The following ZFHX2 variants were observed in gnomAD, a reference collection of about 807,000 sequenced individuals.
The protein encoded by ZFHX2 is zinc finger homeobox 2, also known as zinc finger homeobox protein 2.
ZFHX2 carries 75 observed loss-of-function variants against 164.8 expected under a neutral mutation model. The observed-to-expected ratio is 0.46, with a 90% CI of 0.38 to 0.55. The LOEUF (loss-of-function observed/expected upper bound fraction) is 0.55, where lower values mean the gene tolerates loss of function less well. Ranked by LOEUF, ZFHX2 falls within the 20% of genes least tolerant of loss-of-function variation. The pLI is 0.00. For synonymous variants in ZFHX2, 1,217 were observed against 1,351.4 expected (o/e 0.90, Z 2.18); for missense variants, 2,933 against 3,308.0 (o/e 0.89, Z 2.78).
At chr14:23,537,011 A>C (rs912721748) in intron 1 of ZFHX2, among the ~76,000 whole-genome samples, 1 of 152,060 alleles carries the variant, frequency 6.6e-6, no homozygotes, top group Non-Finnish European at 1.5e-5. Context: ...GTGGTGGTGC[A>C]TGCCTGTAAT....
upstream of ZFHX2, among the ~76,000 whole-genome samples, chr14:23,552,192 T>G (rs1882019603): frequency 6.6e-6 from 1 of 152,120 alleles, no homozygotes; most frequent in Admixed American, 6.5e-5. Context: ...TGAGAGCTTC[T>G]GCCTCCTCCA....
rs1372446045 is a variant in ZFHX2, at chr14:23,521,392, G to C, written c.*570C>G. 6.6e-6 allele frequency: 1 copy of C among 152,424 alleles called. No individual in the cohort carries two copies. Among genetic ancestry groups the C allele is most frequent in the African/African-American group, 2.4e-5 (1 of 41,468 alleles). 9.4% of individuals were successfully genotyped at this position (152,424 alleles called of 1,614,324 possible). The stretch of plus-strand genomic sequence containing the variant: ...CCAACTGAGCATTTGGAAAGAGTTT[G>C]TGAGCGGTGTGGTGCTCTAGACAAA... On this transcript the variant is annotated 3_prime_UTR_variant, in exon 10 of 10. Transcript: ENST00000419474.
At chr14:23,547,250 AC>A (rs1319173239) in intron 1 of ZFHX2, among the ~76,000 whole-genome samples, 26 of 152,390 alleles carry the variant, frequency 1.7e-4, no homozygotes, top group African/African-American at 6.0e-4. Context: ...CTTTTGGCCC[AC>A]ATGGCCAATG....
At position 23,524,989 on chromosome 14, in the gene ZFHX2, G is replaced by C. The variant is rs189084513; in HGVS notation, c.4953C>G (p.Arg1651=). The change falls in exon 9 of 10, where the codon CGC becomes CGG. Residue 1651 remains arginine, a synonymous_variant. Transcript: ENST00000419474. The surrounding 1 kb of genome is among the most constrained non-coding windows in gnomAD (Gnocchi z 5.6). ...TGGACCCACCCTCACAGGCATTTTT[G>C]CGTGCTTTCTGGCGGGCATTCTGGA... ...VWFQNARQKA[R]KNACEGGSMP... 3 of 1,536,048 alleles carry C rather than the reference G, an allele frequency of 2.0e-6. No homozygotes were observed. Among genetic ancestry groups the C allele is most frequent in the East Asian group, 4.9e-5 (2 of 40,898 alleles).
intron 3 of ZFHX2, 164 bp downstream of exon 3, chr14:23,532,403 T>A (rs1267602008): frequency 3.4e-5 from 27 of 804,160 alleles, no homozygotes; most frequent in South Asian, 1.3e-4. Flanking sequence ...TTTCTCCATG[T>A]CTGTCACTTT....
intron 3 of ZFHX2, 53 bp from the exon 4 acceptor site, chr14:23,531,774 C>T (rs1879586436): frequency 3.9e-6 from 5 of 1,272,564 alleles, no homozygotes; most frequent in Middle Eastern, 2.0e-4. Context: ...TGCCAGACCT[C>T]AGGGGACTTT....
Position 23,525,080 on chromosome 14 carries a change from T to C in ZFHX2, c.4862A>G (p.Lys1621Arg). Residue 1621 changes from lysine (K) to arginine (R), a missense_variant, in exon 9 of 10, where the codon AAA becomes AGA. Physicochemically the swap from Lys to Arg is conservative, Grantham distance 26. Transcript: ENST00000419474. This position sits in a 1 kb window ranked among gnomAD's most constrained non-coding sequence, Gnocchi z 5.9. ...TGCGAGTCGCTCCACCTCTCCGTCT[T>C]TGGGGTAGGCGCTAGTCTCAAAGAA... ...QSFFETSAYP[K>R]DGEVERLASL... The C allele has an allele frequency of 1.2e-5, 19 of 1,535,970 alleles. No homozygotes were observed. Among genetic ancestry groups the C allele is most frequent in the Non-Finnish European group, 1.7e-5 (19 of 1,146,874 alleles).
chr14:23,525,085 G>A lies in ZFHX2; in HGVS notation c.4857C>T (p.Tyr1619=), dbSNP rs1878534596. The change falls in exon 9 of 10, where the codon TAC becomes TAT. Residue 1619 remains tyrosine, a synonymous_variant. Coordinates refer to ENST00000419474, the MANE Select transcript of ZFHX2 (RefSeq NM_033400.3). The surrounding 1 kb of genome is among the most constrained non-coding windows in gnomAD (Gnocchi z 5.9). ...GTCGCTCCACCTCTCCGTCTTTGGG[G>A]TAGGCGCTAGTCTCAAAGAAAGACT... The part of the protein sequence containing the change: ...ALQSFFETSA[Y]PKDGEVERLA... 1 of 1,536,206 alleles carries A rather than the reference G, an allele frequency of 6.5e-7. No homozygotes were observed. The highest frequency in any genetic ancestry group is 8.7e-7 in the Non-Finnish European group (1 of 1,146,932).
rs551589078 is a variant in ZFHX2, at chr14:23,530,288, TGAA to T, written c.2801-97_2801-95del. ...GGAAGCAGGACAAGCAGCCAGTCAA[TGAA>T]GGAGAAAATGGATGGCTCAATCAGC... On this transcript the variant is annotated intron_variant, in intron 4 of 9. Coordinates refer to ENST00000419474, the MANE Select transcript of ZFHX2 (RefSeq NM_033400.3). The T allele has an allele frequency of 4.1e-5, 41 of 995,494 alleles. No individual in the cohort carries two copies. The Admixed American group carries it at 4.7e-4, about 11-fold the overall frequency. 61.7% of individuals were successfully genotyped at this position (995,494 alleles called of 1,614,324 possible).
At chr14:23,549,598 A>G (rs933540722) in intron 1 of ZFHX2, among the ~76,000 whole-genome samples, 1 of 152,202 alleles carries the variant, frequency 6.6e-6, no homozygotes, top group Non-Finnish European at 1.5e-5. Context: ...TAGGAAGAAG[A>G]TGAACTAAAA....
At chr14:23,554,038 CAAAAAA>C (rs61363455), upstream of ZFHX2, among the ~76,000 whole-genome samples, 2 of 36,040 alleles carry the variant, frequency 5.5e-5, no homozygotes, top group African/African-American at 1.6e-4. Flanking sequence ...GACTCTGTCT[CAAAAAA>C]AAAAAAAAAA....
In ZFHX2 at chr14:23,523,194, C is replaced by T; in HGVS notation, c.6739+9G>A. ...CTGAAGTCCAGCTCCTCCCAGCCTC[C>T]CTACTCACCTGAATTGAAAGGAGCT... On this transcript the variant is annotated intron_variant, in intron 9 of 9. Coordinates refer to ENST00000419474, the MANE Select transcript of ZFHX2 (RefSeq NM_033400.3). This position sits in a 1 kb window ranked among gnomAD's most constrained non-coding sequence, Gnocchi z 4.1. 7.1e-7 allele frequency: 1 copy of T among 1,415,090 alleles called. No homozygotes were observed. 87.7% of individuals were successfully genotyped at this position (1,415,090 alleles called of 1,614,324 possible). A position where few individuals can be genotyped will look rare whatever the true frequency, so the allele number is the denominator to read the frequency against.
chr14:23,533,885 T>A lies in ZFHX2; in HGVS notation c.1441A>T (p.Ser481Cys), dbSNP rs1476549839. Reference sequence around the variant, plus strand: ...CCAGCACTGCAGTAGCTGCAGTGACTGTTGCTCTCAGGGTGCTTCTCTCGC... The same window carrying A: ...CCAGCACTGCAGTAGCTGCAGTGACAGTTGCTCTCAGGGTGCTTCTCTCGC... ...HMREKHPESNSHCSYCSAGGA... is the reference protein window; with the variant it reads ...HMREKHPESNCHCSYCSAGGA... Residue 481 changes from serine to cysteine, a missense_variant, in exon 2 of 10, where the codon AGT becomes TGT. Ser to Cys is a moderately radical substitution (Grantham distance 112, BLOSUM62 -1). Transcript: ENST00000419474. This position sits in a 1 kb window ranked among gnomAD's most constrained non-coding sequence, Gnocchi z 4.8. The A allele has an allele frequency of 6.5e-7, 1 of 1,538,088 alleles. No homozygotes were observed. Among genetic ancestry groups the A allele is most frequent in the Non-Finnish European group, 8.7e-7 (1 of 1,147,282 alleles).
chr14:23,522,093 G>T lies in ZFHX2; in HGVS notation c.7588C>A (p.Pro2530Thr). Residue 2530 changes from proline to threonine, a missense_variant, in exon 10 of 10, where the codon CCA becomes ACA. By Grantham distance (38) the Pro-to-Thr change is conservative. Coordinates refer to ENST00000419474, the MANE Select transcript of ZFHX2 (RefSeq NM_033400.3). ...GCGGCGTTGGTGATGGAGATGGGTG[G>T]GCCCCCTTGAGGTGGGGCTGCCTTG... ...RRKAAPPQGG[P>T]PISITNAATA... is the part of the protein sequence containing the mutation. The T allele has an allele frequency of 6.5e-7, 1 of 1,535,980 alleles. No individual in the cohort carries two copies. Among genetic ancestry groups the T allele is most frequent in the Non-Finnish European group, 8.7e-7 (1 of 1,146,698 alleles).
Position 23,535,377 on chromosome 14 carries a change from G to C in ZFHX2, c.-49-3C>G. ...ATGTCAGCGTGACAGCCAGTACCCT[G>C]TAGGGAGACAAGGAGAGAGCAGTGC... On this transcript the variant is annotated splice_region_variant and splice_polypyrimidine_tract_variant and intron_variant, in intron 1 of 9. Coordinates refer to ENST00000419474, the MANE Select transcript of ZFHX2 (RefSeq NM_033400.3). The surrounding 1 kb of genome is among the most constrained non-coding windows in gnomAD (Gnocchi z 4.5). 3 of 1,434,420 alleles carry C rather than the reference G, an allele frequency of 2.1e-6. No individual in the cohort carries two copies. Among genetic ancestry groups the C allele is most frequent in the Non-Finnish European group, 2.7e-6 (3 of 1,097,060 alleles). 88.9% of individuals were successfully genotyped at this position (1,434,420 alleles called of 1,614,324 possible).
chr14:23,550,026 TA>T (rs1223644211), intron 1 of ZFHX2, among the ~76,000 whole-genome samples: 1 of 151,692 alleles, frequency 6.6e-6, no homozygotes, highest in Non-Finnish European at 1.5e-5. Flanking sequence ...AATGGGGAAA[TA>T]AAAAATATAC....
rs114762557 is a variant in ZFHX2, at chr14:23,521,254, G to C, written c.*708C>G. The C allele has an allele frequency of 6.6e-6, 1 of 152,484 alleles. No homozygotes were observed. The highest frequency in any genetic ancestry group is 1.9e-4 in the East Asian group (1 of 5,210). The allele number at this position is 152,484 out of a possible 1,614,324, so 9.4% of individuals were successfully genotyped here. On this transcript the variant is annotated 3_prime_UTR_variant, in exon 10 of 10. Coordinates refer to ENST00000419474, the MANE Select transcript of ZFHX2 (RefSeq NM_033400.3). Reference sequence around the variant, plus strand: ...GGCTCCCCTGTCAGGCAAGGAGAGGGTTAGGAGGGAGAGGGTAGGAAGAGT... The same window carrying C: ...GGCTCCCCTGTCAGGCAAGGAGAGGCTTAGGAGGGAGAGGGTAGGAAGAGT...
At position 23,533,093 on chromosome 14, in the gene ZFHX2, CAG is replaced by C; in HGVS notation, c.2042-11_2042-10del. ...GGATAGGCTTCCAGGGGCTAGAGGA[CAG>C]AGACAGATTAGTGGCCCAAGAAAGA... On this transcript the variant is annotated splice_polypyrimidine_tract_variant and intron_variant, in intron 2 of 9. Coordinates refer to ENST00000419474, the MANE Select transcript of ZFHX2 (RefSeq NM_033400.3). The surrounding 1 kb of genome is among the most constrained non-coding windows in gnomAD (Gnocchi z 4.8). 1 of 1,508,406 alleles carries C rather than the reference CAG, an allele frequency of 6.6e-7. No homozygotes were observed. The highest frequency in any genetic ancestry group is 8.8e-7 in the Non-Finnish European group (1 of 1,131,342). 93.4% of individuals were successfully genotyped at this position (1,508,406 alleles called of 1,614,324 possible).
intron 6 of ZFHX2, among the ~76,000 whole-genome samples, chr14:23,528,232 C>T (rs543255890): frequency 5.9e-5 from 9 of 152,310 alleles, no homozygotes; most frequent in African/African-American, 2.2e-4. Context: ...TGAAGAGGAA[C>T]TAGCCAGATA....
Sources: gnomAD v4.1 joint callset for allele counts (sites outside exome capture counted in the v4.1 genomes callset) on GRCh38, gnomAD v4.1.1 for gene constraint, Gnocchi (gnomAD v3.1) non-coding constraint, MANE v1.5 for transcripts, NCBI Gene and HGNC (gene_info 2026-07-23, HGNC 2026-07-21) for gene names.